Variants in PTPRB observed in about 807,000 individuals in gnomAD.
PTPRB encodes receptor-type tyrosine-protein phosphatase beta.
PTPRB carries 97 observed loss-of-function variants against 238.1 expected under a neutral mutation model. The ratio of observed to expected loss-of-function variants is 0.41; its 90% CI spans 0.35 to 0.48. The LOEUF is 0.48. Among genes scored for constraint, PTPRB ranks in the 20% least tolerant of loss-of-function variants. The pLI is 0.30. For missense variants in PTPRB, 2,292 were observed against 2,681.9 expected (o/e 0.85, Z 3.21); for synonymous variants, 970 against 995.4 (o/e 0.97, Z 0.48).
chr12:70,544,923 G>A lies in PTPRB; in HGVS notation c.5388-260C>T, dbSNP rs546303816. 2.6e-5 allele frequency among the ~76,000 whole-genome samples: 4 copies of A among 152,284 alleles called. No individual in the cohort carries two copies. In the South Asian group the frequency reaches 8.3e-4, roughly 32 times the overall value. On this transcript the variant is annotated intron_variant, in intron 21 of 33. Coordinates refer to ENST00000334414, the MANE Select transcript of PTPRB (RefSeq NM_001109754.4). ...ACAAAACAAAGTCCCTGCCATTCCA[G>A]AGGTTACATTCTCATGGAGGAAGTC...
At chr12:70,553,699 A>G (rs1328238638) in intron 20 of PTPRB, among the ~76,000 whole-genome samples, 3 of 152,236 alleles carry the variant, frequency 2.0e-5, no homozygotes, top group Non-Finnish European at 4.4e-5. Context: ...GAGATCAGAT[A>G]CTATTTACAA....
intron 2 of PTPRB, among the ~76,000 whole-genome samples, chr12:70,629,831 A>G (rs1885366225): frequency 6.6e-6 from 1 of 152,226 alleles, no homozygotes; most frequent in Non-Finnish European, 1.5e-5. Context: ...TATGCAAATA[A>G]AACAGAAAAT....
rs1470248103 is a variant in PTPRB, at chr12:70,518,028, T to A, written c.*3461A>T. The A allele has an allele frequency of 6.6e-6, 1 of 152,190 alleles. No individual in the cohort carries two copies. The highest frequency in any genetic ancestry group is 2.4e-5 in the African/African-American group (1 of 41,446). The allele number at this position is 152,190 out of a possible 1,614,324, so 9.4% of individuals were successfully genotyped here. A position where few individuals can be genotyped will look rare whatever the true frequency, so the allele number is the denominator to read the frequency against. On this transcript the variant is annotated 3_prime_UTR_variant, in exon 34 of 34. Coordinates refer to ENST00000334414, the MANE Select transcript of PTPRB (RefSeq NM_001109754.4). The stretch of plus-strand genomic sequence containing the variant: ...ATCTGGTAAATGGTTTAATATTATT[T>A]TCACATGTCATTTTGGGCTTTCTTC...
At chr12:70,538,643 G>T in intron 27 of PTPRB, 1 of 501,598 alleles carries the variant, frequency 2.0e-6, no homozygotes, top group Non-Finnish European at 3.6e-6. Flanking sequence ...AGCCCTTGCT[G>T]TTAACCCCAT....
chr12:70,566,623 C>G lies in PTPRB; in HGVS notation c.3716G>C (p.Gly1239Ala), dbSNP rs768704253. 1.2e-5 allele frequency: 20 copies of G among 1,613,988 alleles called. No individual in the cohort carries two copies. Among genetic ancestry groups the G allele is most frequent in the Non-Finnish European group, 1.7e-5 (20 of 1,179,900 alleles). ...SLIVSWQKAA[G>A]VAERYDILLL... ...CAGGATATCATATCTTTCTGCCACA[C>G]CAGCAGCTTTTTGCCAACTTACTAT... Residue 1239 changes from glycine (G) to alanine (A), a missense_variant, in exon 15 of 34, where the codon GGT becomes GCT. Around this residue, in one of 4 missense-constraint regions of PTPRB, gnomAD observed 683 missense variants for 862.0 expected, o/e 0.79. Coordinates refer to ENST00000334414, the MANE Select transcript of PTPRB (RefSeq NM_001109754.4).
At chr12:70,554,348 G>A (rs1271899939) in intron 20 of PTPRB, among the ~76,000 whole-genome samples, 1 of 152,124 alleles carries the variant, frequency 6.6e-6, no homozygotes, top group Non-Finnish European at 1.5e-5. Flanking sequence ...TATAAGAAAG[G>A]TAAACTATAT....
chr12:70,587,068 C>T lies in PTPRB; in HGVS notation c.2250G>A (p.Met750Ile), dbSNP rs61731914. ...CTCCACTAATACTGGTGACTGTAGC[C>T]ATGTATTTTCGTCCAGGCACCAGGT... ...FTDLVPGRKY[M>I]ATVTSISGDL... Residue 750 changes from methionine (M) to isoleucine (I), a missense_variant, in exon 9 of 34, where the codon ATG (methionine) becomes ATA (isoleucine). By Grantham distance (10) the Met-to-Ile change is conservative. Transcript: ENST00000334414. 3,720 of 1,613,686 alleles carry T rather than the reference C, an allele frequency of 2.3e-3. 73 individuals carry two copies. The African/African-American group carries it at 0.04, about 17-fold the overall frequency.
chr12:70,526,545 C>A (rs985232669), intron 32 of PTPRB, among the ~76,000 whole-genome samples: 29 of 152,118 alleles, frequency 1.9e-4, no homozygotes, highest in African/African-American at 7.0e-4. Context: ...AGAAGTGAGG[C>A]CTGCAATAAT....
Position 70,570,810 on chromosome 12 carries a change from T to G in PTPRB, c.3370+216A>C, listed in dbSNP as rs552419403. On this transcript the variant is annotated intron_variant, in intron 13 of 33. Coordinates refer to ENST00000334414, the MANE Select transcript of PTPRB (RefSeq NM_001109754.4). ...TCACATCAGTTCATTGCTATTTCTCTGAAAGCACCCTCCAACCCCGCCACT... is the reference window on the plus strand; with the variant it reads ...TCACATCAGTTCATTGCTATTTCTCGGAAAGCACCCTCCAACCCCGCCACT... Among the ~76,000 whole-genome samples the G allele has an allele frequency of 2.2e-4, 34 of 152,164 alleles. No homozygotes were observed. The South Asian group carries it at 6.9e-3, about 31-fold the overall frequency.
At chr12:70,634,008 G>A (rs370892244) in intron 2 of PTPRB, among the ~76,000 whole-genome samples, 1 of 152,122 alleles carries the variant, frequency 6.6e-6, no homozygotes, top group Non-Finnish European at 1.5e-5. Context: ...GTACAAATTG[G>A]TGCTATATGC....
rs748991941 is a variant in PTPRB at position 70,517,956 on chromosome 12, C to CAGCATGTGAAGGGT, written c.*3519_*3532dup. The CAGCATGTGAAGGGT allele has an allele frequency of 2.6e-5, 4 of 152,166 alleles. No homozygotes were observed. Among genetic ancestry groups the CAGCATGTGAAGGGT allele is most frequent in the Non-Finnish European group, 4.4e-5 (3 of 68,032 alleles). The allele number at this position is 152,166 out of a possible 1,614,324, so 9.4% of individuals were successfully genotyped here. On this transcript the variant is annotated 3_prime_UTR_variant, in exon 34 of 34. Transcript: ENST00000334414. ...TCCTTAAACAGCAAGGCAAGAGAATCAGCATGTGAAGGGTAGCATGTGAGG... is the reference window on the plus strand; with the variant it reads ...TCCTTAAACAGCAAGGCAAGAGAATCAGCATGTGAAGGGTAGCATGTGAAGGGTAGCATGTGAGG...
intron 3 of PTPRB, among the ~76,000 whole-genome samples, chr12:70,619,179 TG>T (rs1884809800): frequency 1.3e-5 from 2 of 151,746 alleles, no homozygotes; most frequent in African/African-American, 4.8e-5. Flanking sequence ...TGTGTGTGTG[TG>T]TGTGTGTGTG....
In PTPRB at chr12:70,562,696, G is replaced by A. The variant is rs1173424255; in HGVS notation, c.4168+148C>T. 6.0e-6 allele frequency: 6 copies of A among 996,716 alleles called. No homozygotes were observed. The East Asian group carries it at 7.6e-5, about 13-fold the overall frequency. The allele number at this position is 996,716 out of a possible 1,614,324, so 61.7% of individuals were successfully genotyped here. On this transcript the variant is annotated intron_variant, in intron 16 of 33. Transcript: ENST00000334414. ...ATTAGTTATATATAATCAAAGGTGC[G>A]ATTTAGGGTCAAACAGCCTGAAAGT...
chr12:70,548,847 C>G (rs996218349), intron 21 of PTPRB, among the ~76,000 whole-genome samples: 3 of 152,194 alleles, frequency 2.0e-5, no homozygotes, highest in African/African-American at 4.8e-5. Context: ...TTTAAACCTC[C>G]ACGCTTTGAC....
intron 18 of PTPRB, among the ~76,000 whole-genome samples, chr12:70,557,162 G>A (rs1441256335): frequency 1.3e-5 from 2 of 152,172 alleles, no homozygotes; most frequent in Non-Finnish European, 2.9e-5. Flanking sequence ...TCTACGTAGA[G>A]AAAAACCAGA....
In PTPRB at chr12:70,555,235, T is replaced by G; in HGVS notation, c.5068A>C (p.Thr1690Pro). ...TCGCTGAACCAGCTGCAGTTGACAG[T>G]AAAGTTGATGGAAGACTTGCTAATT... ...VLISKSSINF[T>P]VNCSWFSDTN... Residue 1690 changes from threonine (T) to proline (P), a missense_variant, in exon 20 of 34, where the codon ACT (threonine) becomes CCT (proline). Physicochemically the swap from Thr to Pro is conservative, Grantham distance 38 (BLOSUM62 -1). Transcript: ENST00000334414. 1 of 1,613,778 alleles carries G rather than the reference T, an allele frequency of 6.2e-7. No homozygotes were observed. The highest frequency in any genetic ancestry group is 8.5e-7 in the Non-Finnish European group (1 of 1,179,856).
Position 70,635,754 on chromosome 12 carries a change from G to A in PTPRB, c.368C>T (p.Ala123Val). 6.2e-7 allele frequency: 1 copy of A among 1,613,818 alleles called. No homozygotes were observed. The highest frequency in any genetic ancestry group is 8.5e-7 in the Non-Finnish European group (1 of 1,179,854). Residue 123 changes from alanine (A) to valine (V), a missense_variant, in exon 2 of 34, where the codon GCC becomes GTC. Transcript: ENST00000334414. ...CATCCAGCTATGGAGGTATTTCCTG[G>A]CCTTCTTGACCACTACTCTGGAGCC... ...KQGSRVVVKK[A>V]RKYLHSWMKI...
intron 27 of PTPRB, chr12:70,538,482 C>A: frequency 2.1e-6 from 1 of 479,444 alleles, no homozygotes; most frequent in Admixed American, 3.8e-5. Flanking sequence ...CCACATTTGC[C>A]TGATGGAGTG....
Position 70,622,379 on chromosome 12 carries a change from C to G in PTPRB, c.708+11G>C, listed in dbSNP as rs756037573. ...TGCACAGACCACACTCCACACACCCCCTCCTTTTACCTCTTCAGTGGTGCT... is the reference window on the plus strand; with the variant it reads ...TGCACAGACCACACTCCACACACCCGCTCCTTTTACCTCTTCAGTGGTGCT... On this transcript the variant is annotated intron_variant, in intron 3 of 33. Transcript: ENST00000334414. 1.2e-6 allele frequency: 2 copies of G among 1,610,768 alleles called. No homozygotes were observed. The highest frequency in any genetic ancestry group is 1.7e-5 in the Admixed American group (1 of 59,962).
Sources: gnomAD v4.1 joint callset for allele counts (sites outside exome capture counted in the v4.1 genomes callset) on GRCh38, gnomAD v4.1.1 for gene constraint, gnomAD v4.1.1 regional missense constraint, MANE v1.5 for transcripts, NCBI Gene and HGNC (gene_info 2026-07-23, HGNC 2026-07-21) for gene names.